BICD2: variants seen among roughly 807,000 people sequenced by gnomAD.
BICD2 encodes the protein protein bicaudal D homolog 2.
Under a neutral mutation model 72.9 loss-of-function variants are expected in BICD2, and 25 were observed. The ratio of observed to expected loss-of-function variants is 0.34; its 90% CI spans 0.25 to 0.48. BICD2 has a LOEUF of 0.48. Among genes scored for constraint, BICD2 ranks in the 20% least tolerant of loss-of-function variants. The pLI is 0.99. For missense variants in BICD2, 894 were observed against 1,175.2 expected (o/e 0.76, Z 3.50); for synonymous variants, 501 against 516.1 (o/e 0.97, Z 0.40).
At chr9:92,727,323 G>A (rs1853587232) in intron 2 of BICD2, among the ~76,000 whole-genome samples, 1 of 152,206 alleles carries the variant, frequency 6.6e-6, no homozygotes, top group Non-Finnish European at 1.5e-5. Flanking sequence ...GCTGCAGAGG[G>A]TGGTGCTCCT....
At chr9:92,717,453 G>A (rs974892422) in intron 6 of BICD2, among the ~76,000 whole-genome samples, 1 of 152,244 alleles carries the variant, frequency 6.6e-6, no homozygotes, top group African/African-American at 2.4e-5. Context: ...GCTATCCCCG[G>A]CCACATGTGG....
intron 1 of BICD2, among the ~76,000 whole-genome samples, chr9:92,740,501 G>C (rs1219665986): frequency 6.6e-6 from 1 of 151,944 alleles, no homozygotes. Context: ...CAAAACTTCA[G>C]GATCACGGCC....
chr9:92,725,910 G>C (rs1349831041), intron 2 of BICD2, among the ~76,000 whole-genome samples: 1 of 152,212 alleles, frequency 6.6e-6, no homozygotes, highest in Non-Finnish European at 1.5e-5. Flanking sequence ...TCTGACCCCA[G>C]GCCTCCTGTG....
chr9:92,751,104 T>TTTCA (rs1299812868), intron 1 of BICD2, among the ~76,000 whole-genome samples: 2 of 151,186 alleles, frequency 1.3e-5, no homozygotes, highest in East Asian at 4.0e-4. Context: ...AGAGATGAGG[T>TTTCA]TTCACCATGT....
chr9:92,741,992 G>T (rs1205522104), intron 1 of BICD2, among the ~76,000 whole-genome samples: 1 of 151,952 alleles, frequency 6.6e-6, no homozygotes, highest in Non-Finnish European at 1.5e-5. Flanking sequence ...TTAACCCCCA[G>T]ATATTAACTT....
rs527801806 is a variant in BICD2 at position 92,720,693 on chromosome 9, G to A, written c.669C>T (p.Asn223=). 2 of 1,614,206 alleles carry A rather than the reference G, an allele frequency of 1.2e-6. No homozygotes were observed. Among genetic ancestry groups the A allele is most frequent in the East Asian group, 2.2e-5 (1 of 44,876 alleles). ...KRLEEETEYL[N]SQLEDAIRLK... is the part of the protein sequence containing the mutation. Reference sequence around the variant, plus strand: ...GGCGGATGGCATCCTCCAGCTGGCTGTTGAGGTACTCGGTCTCCTCCTCCA... The same window carrying A: ...GGCGGATGGCATCCTCCAGCTGGCTATTGAGGTACTCGGTCTCCTCCTCCA... Residue 223 remains asparagine (N), a synonymous_variant, in exon 4 of 7, where the codon AAC becomes AAT. Coordinates refer to ENST00000356884, the MANE Select transcript of BICD2 (RefSeq NM_001003800.2). The surrounding 1 kb of genome is among the most constrained non-coding windows in gnomAD (Gnocchi z 5.4).
At position 92,764,793 on chromosome 9, in the gene BICD2, C is replaced by T. The variant is rs1210941568; in HGVS notation, c.-49G>A. On this transcript the variant is annotated 5_prime_UTR_variant, in exon 1 of 7. Transcript: ENST00000356884. This position sits in a 1 kb window ranked among gnomAD's most constrained non-coding sequence, Gnocchi z 5.5. Reference sequence around the variant, plus strand: ...CCCACTGAGGCTCTCGCAGGCCGGGCCCTCCTCAGCCGCCGCCGCTGCCGC... The same window carrying T: ...CCCACTGAGGCTCTCGCAGGCCGGGTCCTCCTCAGCCGCCGCCGCTGCCGC... 4.6e-6 allele frequency: 6 copies of T among 1,300,242 alleles called. No individual in the cohort carries two copies. The highest frequency in any genetic ancestry group is 3.3e-5 in the East Asian group (1 of 29,988). The allele number at this position is 1,300,242 out of a possible 1,614,324, so 80.5% of individuals were successfully genotyped here. A position where few individuals can be genotyped will look rare whatever the true frequency, so the allele number is the denominator to read the frequency against.
chr9:92,730,313 A>G (rs1162810293), intron 1 of BICD2, among the ~76,000 whole-genome samples: 1 of 152,258 alleles, frequency 6.6e-6, no homozygotes, highest in East Asian at 1.9e-4. Flanking sequence ...TTTTCCTAAA[A>G]GAGAAAAAGG....
Position 92,713,251 on chromosome 9 carries a change from C to T in BICD2, c.*1903G>A, listed in dbSNP as rs1418969504. 6 of 626,776 alleles carry T rather than the reference C, an allele frequency of 9.6e-6. No homozygotes were observed. Among genetic ancestry groups the T allele is most frequent in the African/African-American group, 3.7e-5 (2 of 54,410 alleles). The allele number at this position is 626,776 out of a possible 1,614,324, so 38.8% of individuals were successfully genotyped here. Reference sequence around the variant, plus strand: ...ACAGAGGCCTTTCCACGCAGCAGCTCGCAGCATGCTCAACATTAAAGCTTT... The same window carrying T: ...ACAGAGGCCTTTCCACGCAGCAGCTTGCAGCATGCTCAACATTAAAGCTTT... On this transcript the variant is annotated 3_prime_UTR_variant, in exon 7 of 7. Transcript: ENST00000356884.
intron 1 of BICD2, among the ~76,000 whole-genome samples, chr9:92,747,278 T>G (rs1854033668): frequency 6.6e-6 from 1 of 152,160 alleles, no homozygotes; most frequent in African/African-American, 2.4e-5. Flanking sequence ...TGACCCCCTC[T>G]TAGGTGCTGA....
At chr9:92,734,177 C>G (rs8181065) in intron 1 of BICD2, among the ~76,000 whole-genome samples, 41,669 of 152,058 alleles carry the variant, frequency 0.27, 6,845 homozygotes, top group East Asian at 0.76. Flanking sequence ...TATATATAAA[C>G]TTCCATGAAT....
Position 92,717,779 on chromosome 9 carries a change from C to G in BICD2, c.2258+18G>C, listed in dbSNP as rs376177099. 374 of 1,593,950 alleles carry G rather than the reference C, an allele frequency of 2.3e-4. No individual in the cohort carries two copies. The highest frequency in any genetic ancestry group is 3.1e-4 in the Non-Finnish European group (367 of 1,170,248). ...GCTGGCCTTGTGGAAGGGGAGGGCCCGACAGCAGCACGGTTACCTGGTGGC... is the reference window on the plus strand; with the variant it reads ...GCTGGCCTTGTGGAAGGGGAGGGCCGGACAGCAGCACGGTTACCTGGTGGC... On this transcript the variant is annotated intron_variant, in intron 6 of 6. Coordinates refer to ENST00000356884, the MANE Select transcript of BICD2 (RefSeq NM_001003800.2).
At chr9:92,743,095 C>A (rs1853930285) in intron 1 of BICD2, among the ~76,000 whole-genome samples, 1 of 152,214 alleles carries the variant, frequency 6.6e-6, no homozygotes, top group African/African-American at 2.4e-5. Flanking sequence ...TTCCCACTTG[C>A]AACATAGGAG....
rs767670894 is a variant in BICD2, at chr9:92,717,943, G to C, written c.2112C>G (p.Ala704=). The C allele has an allele frequency of 6.2e-7, 1 of 1,613,040 alleles. No individual in the cohort carries two copies. Among genetic ancestry groups the C allele is most frequent in the African/African-American group, 1.3e-5 (1 of 75,000 alleles). Reference sequence around the variant, plus strand: ...TCTTCAGGTTGGCAAGGGCCACCTCGGCCGTCTGGGGGACAGATGTGTAGG... The same window carrying C: ...TCTTCAGGTTGGCAAGGGCCACCTCCGCCGTCTGGGGGACAGATGTGTAGG... ...RTVLKANKQT[A]EVALANLKSK... is the part of the protein sequence containing the mutation. Residue 704 remains alanine (A), a synonymous_variant, in exon 6 of 7, where the codon GCC becomes GCG. Transcript: ENST00000356884.
At chr9:92,729,877 G>T (rs1407542594) in intron 1 of BICD2, among the ~76,000 whole-genome samples, 1 of 152,278 alleles carries the variant, frequency 6.6e-6, no homozygotes, top group Non-Finnish European at 1.5e-5. Flanking sequence ...TGGCAAAGAA[G>T]TGCAGGGCCT....
chr9:92,726,998 C>G (rs1271874404), intron 2 of BICD2, among the ~76,000 whole-genome samples: 3 of 152,150 alleles, frequency 2.0e-5, no homozygotes, highest in Non-Finnish European at 4.4e-5. Context: ...AATAGACGGG[C>G]CAGACAGATG....
intron 1 of BICD2, among the ~76,000 whole-genome samples, chr9:92,761,255 G>A (rs138585838): frequency 1.2e-3 from 184 of 152,346 alleles, no homozygotes; most frequent in African/African-American, 4.4e-3. Flanking sequence ...ACTGAGCAGG[G>A]ACAAGGATAA....
At position 92,719,141 on chromosome 9, in the gene BICD2, G is replaced by A; in HGVS notation, c.1504C>T (p.Leu502=). The change falls in exon 5 of 7, where the codon CTG becomes TTG. Residue 502 remains leucine (L), a synonymous_variant. Transcript: ENST00000356884. ...CTCACCTTCTTTAGCTCCTTCTCCA[G>A]CCGGGCCAGCAGCTCGCGGTCCTGG... ...SRQDRELLAR[L]EKELKKVSDV... 6.2e-7 allele frequency: 1 copy of A among 1,612,078 alleles called. No individual in the cohort carries two copies. Among genetic ancestry groups the A allele is most frequent in the Non-Finnish European group, 8.5e-7 (1 of 1,179,992 alleles).
At position 92,714,426 on chromosome 9, in the gene BICD2, C is replaced by T; in HGVS notation, c.*728G>A. On this transcript the variant is annotated 3_prime_UTR_variant, in exon 7 of 7. Transcript: ENST00000356884. Reference sequence around the variant, plus strand: ...TGAAAACCTGGGGCCTTGGGCCCTGCCAATCTGTCACCTCACAGGCCACTA... The same window carrying T: ...TGAAAACCTGGGGCCTTGGGCCCTGTCAATCTGTCACCTCACAGGCCACTA... The T allele has an allele frequency of 3.0e-6, 3 of 985,490 alleles. No individual in the cohort carries two copies. Among genetic ancestry groups the T allele is most frequent in the Non-Finnish European group, 3.6e-6 (3 of 829,960 alleles). 61.0% of individuals were successfully genotyped at this position (985,490 alleles called of 1,614,324 possible). A position where few individuals can be genotyped will look rare whatever the true frequency, so the allele number is the denominator to read the frequency against.
Sources: allele counts gnomAD v4.1 joint callset (sites outside exome capture counted in the v4.1 genomes callset), GRCh38; gene constraint gnomAD v4.1.1; non-coding constraint Gnocchi (gnomAD v3.1); transcripts MANE v1.5; gene names NCBI Gene and HGNC (gene_info 2026-07-23, HGNC 2026-07-21).